GRIK1: variants seen among roughly 807,000 people sequenced by gnomAD.
The protein encoded by GRIK1 is glutamate ionotropic receptor kainate type subunit 1.
A neutral mutation model predicts 105.7 loss-of-function variants in GRIK1; 69 were observed. That is an observed-to-expected ratio of 0.65 (90% CI 0.54 to 0.80). The LOEUF is 0.80. Among genes scored for constraint, GRIK1 ranks in the 30% least tolerant of loss-of-function variants. The pLI is 0.00. For synonymous variants in GRIK1, 438 were observed against 431.3 expected, an observed-to-expected ratio of 1.02 and a Z score of -0.19; for missense variants, 1,109 against 1,167.3, an observed-to-expected ratio of 0.95 and a Z score of 0.73.
chr21:29,671,496 C>T (rs895461649), intron 4 of GRIK1, among the ~76,000 whole-genome samples: 3 of 151,450 alleles, frequency 2.0e-5, no homozygotes, highest in Non-Finnish European at 4.4e-5. Flanking sequence ...CAAGTAAAAA[C>T]TCAATTCTGA....
chr21:29,721,678 C>A (rs1245677621), intron 1 of GRIK1, among the ~76,000 whole-genome samples: 2 of 151,690 alleles, frequency 1.3e-5, no homozygotes, highest in African/African-American at 4.8e-5. Context: ...AATACACAAG[C>A]AAACAAAAAA....
At chr21:29,882,877 CTT>C (rs1437516324) in intron 1 of GRIK1, among the ~76,000 whole-genome samples, 2 of 152,094 alleles carry the variant, frequency 1.3e-5, no homozygotes, top group African/African-American at 4.8e-5. Flanking sequence ...ACAGAGCTCT[CTT>C]TTCCTTATTT....
intron 1 of GRIK1, among the ~76,000 whole-genome samples, chr21:29,742,056 G>A (rs951483938): frequency 1.3e-5 from 2 of 152,188 alleles, no homozygotes; most frequent in African/African-American, 4.8e-5. Flanking sequence ...GTCAAGGAAA[G>A]ACTCTTAACC....
intron 1 of GRIK1, among the ~76,000 whole-genome samples, chr21:29,728,844 A>C (rs375822480): frequency 5.9e-5 from 9 of 152,346 alleles, no homozygotes; most frequent in African/African-American, 1.9e-4. Flanking sequence ...GCTGGTAACA[A>C]GAAATCAAAG....
At chr21:29,625,068 CTTAAG>C (rs1452252058) in intron 7 of GRIK1, among the ~76,000 whole-genome samples, 3 of 152,166 alleles carry the variant, frequency 2.0e-5, no homozygotes, top group Non-Finnish European at 4.4e-5. Context: ...TTTATTTTGC[CTTAAG>C]TTAATTGATG....
At chr21:29,571,836 A>G (rs1212147376) in intron 14 of GRIK1, among the ~76,000 whole-genome samples, 1 of 152,194 alleles carries the variant, frequency 6.6e-6, no homozygotes, top group Non-Finnish European at 1.5e-5. Context: ...AAACACTTGA[A>G]ATTACACTGT....
chr21:29,888,240 T>A (rs2069751117), intron 1 of GRIK1, among the ~76,000 whole-genome samples: 1 of 128,752 alleles, frequency 7.8e-6, no homozygotes, highest in South Asian at 2.9e-4. Flanking sequence ...TCTCCTTCCT[T>A]CCTTCCTTCT....
chr21:29,618,202 G>A lies in GRIK1; in HGVS notation c.1099-19265C>T, dbSNP rs567124560. Among the ~76,000 whole-genome samples, 3 of 152,304 alleles carry A rather than the reference G, an allele frequency of 2.0e-5. No individual in the cohort carries two copies. The East Asian group carries it at 5.8e-4, about 29-fold the overall frequency. On this transcript the variant is annotated intron_variant, in intron 7 of 17. Coordinates refer to ENST00000327783, the MANE Select transcript of GRIK1 (RefSeq NM_001330994.2). ...CAATTATCCCTATTAATGTACACAT[G>A]GCTGCATGAAATCGATTGCTTACTT...
intron 1 of GRIK1, among the ~76,000 whole-genome samples, chr21:29,803,953 A>G (rs990118010): frequency 6.6e-5 from 10 of 152,118 alleles, no homozygotes; most frequent in Non-Finnish European, 5.9e-5. Flanking sequence ...TGTAAGGAGA[A>G]GGAAAAGAGC....
chr21:29,656,086 G>A (rs1177866257), intron 4 of GRIK1, among the ~76,000 whole-genome samples: 1 of 151,222 alleles, frequency 6.6e-6, no homozygotes, highest in Non-Finnish European at 1.5e-5. Context: ...AGAGAAGGCC[G>A]GGTGCGGTGG....
intron 1 of GRIK1, among the ~76,000 whole-genome samples, chr21:29,723,416 G>T (rs987911073): frequency 6.6e-6 from 1 of 152,108 alleles, no homozygotes; most frequent in Non-Finnish European, 1.5e-5. Flanking sequence ...GATTTAGTAA[G>T]CTATTGAGCT....
chr21:29,913,714 A>T (rs1182345168), intron 1 of GRIK1, among the ~76,000 whole-genome samples: 1 of 150,926 alleles, frequency 6.6e-6, no homozygotes, highest in African/African-American at 2.4e-5. Context: ...TGTATGTAGA[A>T]TTGCCCTGAC....
intron 1 of GRIK1, among the ~76,000 whole-genome samples, chr21:29,769,819 A>G (rs1378221393): frequency 6.6e-6 from 1 of 152,090 alleles, no homozygotes; most frequent in Non-Finnish European, 1.5e-5. Flanking sequence ...CCCTGCTAAC[A>G]TCTTGATTTC....
chr21:29,844,260 A>G (rs2068056622), intron 1 of GRIK1, among the ~76,000 whole-genome samples: 2 of 152,130 alleles, frequency 1.3e-5, no homozygotes, highest in South Asian at 2.1e-4. Flanking sequence ...TGCAACATGT[A>G]TATTCCTGCA....
intron 3 of GRIK1, among the ~76,000 whole-genome samples, chr21:29,678,913 C>T (rs949902025): frequency 6.6e-6 from 1 of 152,270 alleles, no homozygotes; most frequent in African/African-American, 2.4e-5. Flanking sequence ...AAACTTCAGG[C>T]TTCTGTCAAG....
intron 1 of GRIK1, among the ~76,000 whole-genome samples, chr21:29,744,218 G>A (rs938371975): frequency 4.6e-5 from 7 of 152,198 alleles, no homozygotes; most frequent in African/African-American, 1.4e-4. Flanking sequence ...GAGAGGAGCT[G>A]GGAGCCAGGT....
At chr21:29,596,720 G>C in intron 8 of GRIK1, 150 bp from the exon 9 acceptor site, 1 of 686,646 alleles carries the variant, frequency 1.5e-6, no homozygotes, top group Non-Finnish European at 2.6e-6. Context: ...TATAAAGCCT[G>C]ACAATAGGTA....
At chr21:29,915,262 T>C (rs1422434980) in intron 1 of GRIK1, among the ~76,000 whole-genome samples, 1 of 151,968 alleles carries the variant, frequency 6.6e-6, no homozygotes. Context: ...CTGTGTCCAG[T>C]GCTCAGAGCT....
At chr21:29,697,066 A>G (rs1409895101) in intron 1 of GRIK1, among the ~76,000 whole-genome samples, 1 of 152,218 alleles carries the variant, frequency 6.6e-6, no homozygotes, top group Non-Finnish European at 1.5e-5. Flanking sequence ...TCAAAATCAC[A>G]GTCTTGTCTG....
Sources: gnomAD v4.1 joint callset for allele counts (sites outside exome capture counted in the v4.1 genomes callset) on GRCh38, gnomAD v4.1.1 for gene constraint, MANE v1.5 for transcripts, NCBI Gene and HGNC (gene_info 2026-07-23, HGNC 2026-07-21) for gene names.